KCTD16: variants seen among roughly 807,000 people sequenced by gnomAD.
KCTD16 encodes BTB/POZ domain-containing protein KCTD16.
Under a neutral mutation model 33.2 loss-of-function variants are expected in KCTD16, and 13 were observed. That is an observed-to-expected ratio of 0.39 (90% confidence interval 0.25 to 0.62). KCTD16 has a LOEUF of 0.62. KCTD16 is among the 20% of genes least tolerant of loss of function. The pLI is 0.50. For missense variants in KCTD16, 441 were observed against 525.1 expected (o/e 0.84, Z 1.57); for synonymous variants, 197 against 195.3 (o/e 1.01, Z -0.07).
At chr5:144,372,205 C>A (rs1335466270) in intron 3 of KCTD16, among the ~76,000 whole-genome samples, 1 of 142,506 alleles carries the variant, frequency 7.0e-6, no homozygotes, top group Non-Finnish European at 1.5e-5. Context: ...CTCTGTGCTT[C>A]TTTTTTTTTT....
At chr5:144,465,722 C>T (rs939412258) in intron 3 of KCTD16, among the ~76,000 whole-genome samples, 5 of 149,650 alleles carry the variant, frequency 3.3e-5, no homozygotes, top group African/African-American at 7.4e-5. Context: ...TTTCCACCTG[C>T]GTTTCTCATA....
At chr5:144,424,946 C>T (rs1464170711) in intron 3 of KCTD16, among the ~76,000 whole-genome samples, 1 of 152,078 alleles carries the variant, frequency 6.6e-6, no homozygotes, top group Non-Finnish European at 1.5e-5. Flanking sequence ...AACTTATGTC[C>T]TCACATACAA....
chr5:144,448,540 T>C (rs1443287284), intron 3 of KCTD16, among the ~76,000 whole-genome samples: 1 of 152,112 alleles, frequency 6.6e-6, no homozygotes, highest in Non-Finnish European at 1.5e-5. Flanking sequence ...GAGGCTGAAG[T>C]TGGAAATTAG....
rs555500965 is a variant in KCTD16 at position 144,365,046 on chromosome 5, T to G, written c.833-108614T>G. On this transcript the variant is annotated intron_variant, in intron 3 of 3. Transcript: ENST00000512467. ...TCATTTTTTTTTTTTTGCTTTTATATCTCTCTTATTTCTTTGATGACAAGT... is the reference window on the plus strand; with the variant it reads ...TCATTTTTTTTTTTTTGCTTTTATAGCTCTCTTATTTCTTTGATGACAAGT... Among the ~76,000 whole-genome samples, 3 of 151,890 alleles carry G rather than the reference T, an allele frequency of 2.0e-5. No homozygotes were observed. The East Asian group carries it at 5.8e-4, about 29-fold the overall frequency.
chr5:144,360,861 CAT>C (rs1164867602), intron 3 of KCTD16, among the ~76,000 whole-genome samples: 2 of 152,040 alleles, frequency 1.3e-5, no homozygotes, highest in East Asian at 3.9e-4. Flanking sequence ...GCAATAAACA[CAT>C]GTGTACCTCT....
At chr5:144,264,597 T>TA (rs978752514) in intron 3 of KCTD16, among the ~76,000 whole-genome samples, 2 of 151,640 alleles carry the variant, frequency 1.3e-5, no homozygotes, top group Non-Finnish European at 2.9e-5. Flanking sequence ...ACCCCATCTC[T>TA]AAAAAAAACA....
chr5:144,290,586 C>T (rs897714674), intron 3 of KCTD16, among the ~76,000 whole-genome samples: 7 of 152,178 alleles, frequency 4.6e-5, no homozygotes, highest in Non-Finnish European at 8.8e-5. Context: ...TTTTAAAGAT[C>T]CCTTGCTCTT....
intron 3 of KCTD16, among the ~76,000 whole-genome samples, chr5:144,236,984 A>G (rs1407543117): frequency 1.3e-5 from 2 of 152,048 alleles, no homozygotes; most frequent in Non-Finnish European, 2.9e-5. Flanking sequence ...ATGCCCCATG[A>G]CTAATGTACA....
At chr5:144,280,603 A>G (rs1755571042) in intron 3 of KCTD16, among the ~76,000 whole-genome samples, 1 of 152,144 alleles carries the variant, frequency 6.6e-6, no homozygotes, top group African/African-American at 2.4e-5. Flanking sequence ...CTTTTCAAAG[A>G]ATCTACTTTT....
At chr5:144,173,122 T>C (rs1296507073) in intron 1 of KCTD16, among the ~76,000 whole-genome samples, 4 of 152,234 alleles carry the variant, frequency 2.6e-5, no homozygotes, top group Non-Finnish European at 5.9e-5. Flanking sequence ...AGCAATCCCA[T>C]TACTGGGAAT....
chr5:144,471,250 T>G (rs561138225), intron 3 of KCTD16, among the ~76,000 whole-genome samples: 5 of 152,328 alleles, frequency 3.3e-5, no homozygotes, highest in African/African-American at 1.2e-4. Flanking sequence ...AGTTTCCTTC[T>G]GGGTCCATTG....
rs1190914308 is a variant in KCTD16 at position 144,330,445 on chromosome 5, G to C, written c.832+122899G>C. Among the ~76,000 whole-genome samples, 13 of 148,668 alleles carry C rather than the reference G, an allele frequency of 8.7e-5. No individual in the cohort carries two copies. In the Admixed American group the frequency reaches 8.8e-4, roughly 10 times the overall value. On this transcript the variant is annotated intron_variant, in intron 3 of 3. Transcript: ENST00000512467. ...AAAAAAAAAAAAAAAGACATCTAAGGCTTTATTTACTGGGATTATAAAAAT... is the reference window on the plus strand; with the variant it reads ...AAAAAAAAAAAAAAAGACATCTAAGCCTTTATTTACTGGGATTATAAAAAT...
intron 3 of KCTD16, among the ~76,000 whole-genome samples, chr5:144,257,103 A>G (rs1385097163): frequency 3.3e-5 from 5 of 152,188 alleles, no homozygotes; most frequent in Admixed American, 2.6e-4. Context: ...TTACTTATGT[A>G]TGTATCTGTA....
chr5:144,417,708 T>A (rs1753098219), intron 3 of KCTD16, among the ~76,000 whole-genome samples: 1 of 152,216 alleles, frequency 6.6e-6, no homozygotes, highest in Admixed American at 6.5e-5. Context: ...TCTATGCTTT[T>A]TTGCAAGTGT....
rs368422187 is a variant in KCTD16 at position 144,302,782 on chromosome 5, T to C, written c.832+95236T>C. On this transcript the variant is annotated intron_variant, in intron 3 of 3. Coordinates refer to ENST00000512467, the MANE Select transcript of KCTD16 (RefSeq NM_020768.4). ...GAATGTTTTCAAATTGCATGAGAGA[T>C]TATGCCACAGTTGTATGTGATGAAA... Among the ~76,000 whole-genome samples the C allele has an allele frequency of 2.6e-5, 4 of 152,334 alleles. No homozygotes were observed. In the East Asian group the frequency reaches 7.7e-4, roughly 29 times the overall value.
At chr5:144,267,217 A>G (rs914968220) in intron 3 of KCTD16, among the ~76,000 whole-genome samples, 6 of 152,186 alleles carry the variant, frequency 3.9e-5, no homozygotes, top group Admixed American at 2.6e-4. Flanking sequence ...TCTGTGTCAG[A>G]TGGCCTGGTT....
At chr5:144,224,928 G>A (rs1015267211) in intron 3 of KCTD16, among the ~76,000 whole-genome samples, 11 of 152,086 alleles carry the variant, frequency 7.2e-5, no homozygotes, top group Admixed American at 2.0e-4. Flanking sequence ...CAGAATTTCC[G>A]TATAGTAGAA....
intron 2 of KCTD16, among the ~76,000 whole-genome samples, chr5:144,184,487 C>G (rs1011140661): frequency 1.3e-5 from 2 of 152,120 alleles, no homozygotes; most frequent in African/African-American, 4.8e-5. Flanking sequence ...GTACAAATAT[C>G]CACTTGAGAC....
intron 3 of KCTD16, among the ~76,000 whole-genome samples, chr5:144,281,970 G>A (rs1410306222): frequency 2.6e-5 from 4 of 152,082 alleles, no homozygotes; most frequent in Non-Finnish European, 5.9e-5. Flanking sequence ...GTGTGATATT[G>A]TGAAATACAT....
Sources: allele counts gnomAD v4.1 joint callset (sites outside exome capture counted in the v4.1 genomes callset), GRCh38; gene constraint gnomAD v4.1.1; transcripts MANE v1.5; gene names NCBI Gene and HGNC (gene_info 2026-07-23, HGNC 2026-07-21).